The following PARD3B variants were observed in gnomAD, a reference collection of about 807,000 sequenced individuals.
PARD3B encodes partitioning defective 3 homolog B.
In PARD3B, 103 loss-of-function variants were observed where a neutral mutation model predicts 130.2. The observed-to-expected ratio is 0.79, with a 90% CI of 0.67 to 0.93. PARD3B has a LOEUF of 0.93. Ranked by LOEUF, PARD3B falls within the 40% of genes least tolerant of loss-of-function variation. PARD3B has a pLI of 0.00. For missense variants in PARD3B, 1,609 were observed against 1,499.2 expected (o/e 1.07, Z -1.21); for synonymous variants, 583 against 553.2 (o/e 1.05, Z -0.76).
intron 2 of PARD3B, among the ~76,000 whole-genome samples, chr2:204,726,895 C>T (rs1281898471): frequency 6.6e-6 from 1 of 152,116 alleles, no homozygotes; most frequent in Non-Finnish European, 1.5e-5. Context: ...AACAAGCTGC[C>T]TTTATTTCCT....
At chr2:204,621,271 G>A (rs2034293311) in intron 1 of PARD3B, among the ~76,000 whole-genome samples, 1 of 152,144 alleles carries the variant, frequency 6.6e-6, no homozygotes, top group African/African-American at 2.4e-5. Context: ...CTAACGCAAT[G>A]CAGGACATCT....
In PARD3B at chr2:205,351,700, T is replaced by G. The variant is rs980517909; in HGVS notation, c.2631-49313T>G. 2.6e-5 allele frequency among the ~76,000 whole-genome samples: 4 copies of G among 152,126 alleles called. No individual in the cohort carries two copies. The highest frequency in any genetic ancestry group is 1.9e-4 in the East Asian group (1 of 5,186). On this transcript the variant is annotated intron_variant, in intron 18 of 22. Coordinates refer to ENST00000406610, the MANE Select transcript of PARD3B (RefSeq NM_001302769.2). The surrounding 1 kb of genome is among the most constrained non-coding windows in gnomAD (Gnocchi z 4.2). ...CGGTGATGTTTTCTGATTCTCTATA[T>G]GATTTTAACTCTAGAATTGCTAAAG...
chr2:205,289,475 A>G (rs11686569), intron 16 of PARD3B, among the ~76,000 whole-genome samples: 4,746 of 152,302 alleles, frequency 0.031, 86 homozygotes, highest in Middle Eastern at 0.058. Flanking sequence ...ATGAGGTTCT[A>G]TCATTATCTC....
intron 2 of PARD3B, among the ~76,000 whole-genome samples, chr2:204,937,835 A>G (rs1169683716): frequency 6.6e-6 from 1 of 152,196 alleles, no homozygotes; most frequent in Non-Finnish European, 1.5e-5. Context: ...TAAATATGTA[A>G]TAAATGCTAA....
At chr2:205,302,982 T>A (rs2042064975) in intron 18 of PARD3B, among the ~76,000 whole-genome samples, 1 of 152,184 alleles carries the variant, frequency 6.6e-6, no homozygotes, top group Non-Finnish European at 1.5e-5. Context: ...GAAAACAGCT[T>A]TGTTTCTTCT....
At chr2:205,354,150 C>T (rs1468309068) in intron 18 of PARD3B, among the ~76,000 whole-genome samples, 1 of 151,242 alleles carries the variant, frequency 6.6e-6, no homozygotes, top group East Asian at 1.9e-4. Flanking sequence ...GTGATTCTCC[C>T]ACCTCAGCCT....
intron 2 of PARD3B, among the ~76,000 whole-genome samples, chr2:204,789,379 G>T (rs1455486828): frequency 6.6e-6 from 1 of 152,152 alleles, no homozygotes; most frequent in East Asian, 1.9e-4. Context: ...TAGGTGAAAT[G>T]ATTTTTATTT....
intron 2 of PARD3B, among the ~76,000 whole-genome samples, chr2:204,701,275 A>G (rs138631631): frequency 4.5e-4 from 68 of 152,312 alleles, no homozygotes; most frequent in African/African-American, 1.6e-3. Flanking sequence ...ATGTAAAAGC[A>G]AGATGTGTTT....
chr2:204,606,937 T>G lies in PARD3B; in HGVS notation c.120+60818T>G, dbSNP rs1357434253. The stretch of plus-strand genomic sequence containing the variant: ...CCCGTATCTTTTTCATATATTTACC[T>G]TTAAAGAAAGACATTGTTTTCTTGC... On this transcript the variant is annotated intron_variant, in intron 1 of 22. Transcript: ENST00000406610. The surrounding 1 kb of genome is among the most constrained non-coding windows in gnomAD (Gnocchi z 4.0). 6.6e-6 allele frequency among the ~76,000 whole-genome samples: 1 copy of G among 152,166 alleles called. No homozygotes were observed. Among genetic ancestry groups the G allele is most frequent in the East Asian group, 1.9e-4 (1 of 5,188 alleles).
intron 22 of PARD3B, among the ~76,000 whole-genome samples, chr2:205,611,811 A>C (rs371012147): frequency 3.3e-5 from 5 of 152,328 alleles, no homozygotes; most frequent in African/African-American, 1.2e-4. Flanking sequence ...GTTTTTAAAG[A>C]AAAACAGTAA....
chr2:205,582,371 A>C (rs1044043828), intron 22 of PARD3B, among the ~76,000 whole-genome samples: 1 of 152,234 alleles, frequency 6.6e-6, no homozygotes, highest in African/African-American at 2.4e-5. Context: ...GCTTTTAAGA[A>C]TACCATTACA....
At chr2:205,022,275 A>G (rs1696670904) in intron 3 of PARD3B, among the ~76,000 whole-genome samples, 1 of 152,216 alleles carries the variant, frequency 6.6e-6, no homozygotes, top group Non-Finnish European at 1.5e-5. Flanking sequence ...TAAACATAGT[A>G]TCTATGACTG....
intron 2 of PARD3B, among the ~76,000 whole-genome samples, chr2:204,930,119 T>A (rs1273091727): frequency 6.6e-6 from 1 of 152,026 alleles, no homozygotes; most frequent in African/African-American, 2.4e-5. Context: ...AATTCCTCTC[T>A]CTATGTAGTC....
Position 205,440,457 on chromosome 2 carries a change from T to C in PARD3B, c.2829T>C (p.Asp943=). The change falls in exon 20 of 23, where the codon GAT becomes GAC. Residue 943 remains aspartate, a synonymous_variant. Transcript: ENST00000406610. The surrounding 1 kb of genome is among the most constrained non-coding windows in gnomAD (Gnocchi z 4.2). Reference sequence around the variant, plus strand: ...CTGGTGCAATTGGATCAGTGTATGATATGGATGATGATGAAATGGACCCCA... The same window carrying C: ...CTGGTGCAATTGGATCAGTGTATGACATGGATGATGATGAAATGGACCCCA... ...YATGAIGSVY[D]MDDDEMDPNY... is the part of the protein sequence containing the mutation. The C allele has an allele frequency of 6.2e-7, 1 of 1,614,078 alleles. No individual in the cohort carries two copies. Among genetic ancestry groups the C allele is most frequent in the Non-Finnish European group, 8.5e-7 (1 of 1,179,974 alleles).
Position 205,352,590 on chromosome 2 carries a change from A to T in PARD3B, c.2631-48423A>T, listed in dbSNP as rs558024119. Among the ~76,000 whole-genome samples the T allele has an allele frequency of 4.6e-5, 7 of 152,356 alleles. No homozygotes were observed. In the South Asian group the frequency reaches 6.2e-4, roughly 14 times the overall value. On this transcript the variant is annotated intron_variant, in intron 18 of 22. Coordinates refer to ENST00000406610, the MANE Select transcript of PARD3B (RefSeq NM_001302769.2). This position sits in a 1 kb window ranked among gnomAD's most constrained non-coding sequence, Gnocchi z 5.2. Reference sequence around the variant, plus strand: ...CAATTTAATATTTCACGAGAAATAGAAGGCACGAAATAACCATTTTGGAGC... The same window carrying T: ...CAATTTAATATTTCACGAGAAATAGTAGGCACGAAATAACCATTTTGGAGC...
chr2:204,883,596 C>T (rs1271684274), intron 2 of PARD3B, among the ~76,000 whole-genome samples: 30 of 149,800 alleles, frequency 2.0e-4, no homozygotes, highest in Admixed American at 7.3e-4. Context: ...TACAGGTGTC[C>T]GCCACCACGC....
At chr2:204,928,063 G>A (rs953533877) in intron 2 of PARD3B, among the ~76,000 whole-genome samples, 5 of 152,054 alleles carry the variant, frequency 3.3e-5, no homozygotes, top group Admixed American at 6.6e-5. Flanking sequence ...GTTTTGGCTG[G>A]GTTTACTCAT....
intron 21 of PARD3B, among the ~76,000 whole-genome samples, chr2:205,503,473 C>T (rs367997699): frequency 8.0e-5 from 12 of 150,634 alleles, no homozygotes; most frequent in Admixed American, 1.3e-4. Flanking sequence ...CTGATTTATT[C>T]GCTTTGTTTT....
intron 4 of PARD3B, among the ~76,000 whole-genome samples, chr2:205,050,713 A>C (rs1236200787): frequency 6.6e-6 from 1 of 150,852 alleles, no homozygotes; most frequent in Non-Finnish European, 1.5e-5. Context: ...ACCTGTTTTT[A>C]CTTTTTTTTT....
Sources: gnomAD v4.1 joint callset for allele counts (sites outside exome capture counted in the v4.1 genomes callset) on GRCh38, gnomAD v4.1.1 for gene constraint, Gnocchi (gnomAD v3.1) non-coding constraint, MANE v1.5 for transcripts, NCBI Gene and HGNC (gene_info 2026-07-23, HGNC 2026-07-21) for gene names.